The following MGMT variants were observed in gnomAD, a reference collection of about 807,000 sequenced individuals.
The protein encoded by MGMT is O-6-methylguanine-DNA methyltransferase, also known as methylated-DNA--protein-cysteine methyltransferase.
MGMT carries 14 observed loss-of-function variants against 15.9 expected under a neutral mutation model. The ratio of observed to expected loss-of-function variants is 0.88; its 90% confidence interval spans 0.58 to 1.37. The LOEUF is 1.37. MGMT is among the 40% of genes most tolerant of loss of function. MGMT has a pLI of 0.00. For missense variants in MGMT, 282 were observed against 268.1 expected (o/e 1.05, Z -0.36); for synonymous variants, 130 against 118.2 (o/e 1.10, Z -0.65).
intron 2 of MGMT, among the ~76,000 whole-genome samples, chr10:129,679,314 C>T (rs1042163676): frequency 2.0e-5 from 3 of 151,778 alleles, no homozygotes; most frequent in Non-Finnish European, 4.4e-5. Context: ...GCTGTGGGAC[C>T]CTGCGGGCTT....
At chr10:129,649,405 A>C (rs1214184374) in intron 2 of MGMT, among the ~76,000 whole-genome samples, 2 of 152,212 alleles carry the variant, frequency 1.3e-5, no homozygotes, top group East Asian at 3.8e-4. Context: ...AAGTTTTTAA[A>C]ATCAAGGGTT....
chr10:129,625,011 A>T (rs1847130959), intron 2 of MGMT, among the ~76,000 whole-genome samples: 1 of 152,230 alleles, frequency 6.6e-6, no homozygotes, highest in South Asian at 2.1e-4. Context: ...AAAAATTTTC[A>T]AAATTCCCAG....
chr10:129,670,158 T>G (rs1320309180), intron 2 of MGMT, among the ~76,000 whole-genome samples: 1 of 152,164 alleles, frequency 6.6e-6, no homozygotes, highest in Non-Finnish European at 1.5e-5. Context: ...CTTTAAATAA[T>G]GTGCAATAGA....
chr10:129,474,938 A>G (rs575795540), intron 1 of MGMT, among the ~76,000 whole-genome samples: 1 of 152,112 alleles, frequency 6.6e-6, no homozygotes, highest in South Asian at 2.1e-4. Context: ...TGTCACACCC[A>G]TACATTTTGT....
chr10:129,478,764 G>A (rs1452724920), intron 1 of MGMT, among the ~76,000 whole-genome samples: 1 of 152,222 alleles, frequency 6.6e-6, no homozygotes, highest in Non-Finnish European at 1.5e-5. Context: ...AGCAGATGCT[G>A]TGGTGAATAC....
At chr10:129,734,325 G>C (rs1256232441) in intron 3 of MGMT, among the ~76,000 whole-genome samples, 2 of 139,194 alleles carry the variant, frequency 1.4e-5, no homozygotes, top group Admixed American at 7.9e-5. Context: ...TGAAGTGATT[G>C]TGAATGGGAG....
chr10:129,595,197 TCTC>T (rs955206014), intron 2 of MGMT, among the ~76,000 whole-genome samples: 3 of 152,046 alleles, frequency 2.0e-5, no homozygotes, highest in Non-Finnish European at 2.9e-5. Context: ...CATCCAGAAT[TCTC>T]CTCGGCACAG....
chr10:129,489,443 A>T, intron 1 of MGMT, among the ~76,000 whole-genome samples: 1 of 143,858 alleles, frequency 7.0e-6, no homozygotes, highest in East Asian at 2.1e-4. Context: ...GAGTTTCTTG[A>T]TTCTTTTGGG....
intron 3 of MGMT, among the ~76,000 whole-genome samples, chr10:129,758,118 A>G (rs1302521423): frequency 6.6e-6 from 1 of 152,214 alleles, no homozygotes; most frequent in Non-Finnish European, 1.5e-5. Context: ...TAAAGACTAA[A>G]CAGATTTTTT....
At chr10:129,543,188 G>A (rs558120706) in intron 2 of MGMT, among the ~76,000 whole-genome samples, 9 of 152,308 alleles carry the variant, frequency 5.9e-5, no homozygotes, top group Middle Eastern at 3.4e-3. Flanking sequence ...AGCGTAGCCC[G>A]TGATGGTGGC....
intron 2 of MGMT, chr10:129,694,152 C>T (rs1183591785): frequency 6.6e-6 from 1 of 152,280 alleles, no homozygotes; most frequent in Non-Finnish European, 1.5e-5. Context: ...TTCCCAGAAG[C>T]TCTTCTCAGC....
At chr10:129,501,931 G>A (rs1845578713) in intron 1 of MGMT, among the ~76,000 whole-genome samples, 1 of 152,228 alleles carries the variant, frequency 6.6e-6, no homozygotes, top group Non-Finnish European at 1.5e-5. Context: ...GTGGCCTGGA[G>A]TGGCATGTGG....
intron 1 of MGMT, among the ~76,000 whole-genome samples, chr10:129,482,996 TC>T (rs2119639180): frequency 6.6e-6 from 1 of 152,338 alleles, no homozygotes; most frequent in East Asian, 1.9e-4. Flanking sequence ...TAGCTTCTTT[TC>T]AGTTATTTGG....
chr10:129,738,169 A>G (rs1381957903), intron 3 of MGMT, among the ~76,000 whole-genome samples: 2 of 152,146 alleles, frequency 1.3e-5, no homozygotes, highest in African/African-American at 2.4e-5. Flanking sequence ...GCCACCTTGC[A>G]GTTTGATCTC....
intron 2 of MGMT, among the ~76,000 whole-genome samples, chr10:129,650,414 C>T (rs924141568): frequency 4.6e-5 from 7 of 152,212 alleles, no homozygotes; most frequent in Admixed American, 4.6e-4. Context: ...GGCCAGGGTG[C>T]TATTCTTACC....
At chr10:129,662,191 G>A (rs896680724) in intron 2 of MGMT, among the ~76,000 whole-genome samples, 7 of 152,174 alleles carry the variant, frequency 4.6e-5, no homozygotes, top group Non-Finnish European at 8.8e-5. Context: ...TAAAGAAAAA[G>A]GGGGTTAGGG....
At chr10:129,749,006 G>A (rs960311474) in intron 3 of MGMT, among the ~76,000 whole-genome samples, 1 of 152,174 alleles carries the variant, frequency 6.6e-6, no homozygotes, top group African/African-American at 2.4e-5. Flanking sequence ...TCACTTTCAA[G>A]TTACTTTTGG....
chr10:129,525,914 G>A (rs569001865), intron 1 of MGMT, among the ~76,000 whole-genome samples: 1 of 152,350 alleles, frequency 6.6e-6, no homozygotes, highest in East Asian at 1.9e-4. Context: ...CTTTGGGGTG[G>A]CGTTTGGGAA....
intron 1 of MGMT, among the ~76,000 whole-genome samples, chr10:129,526,114 C>T (rs1464002039): frequency 5.3e-5 from 8 of 152,228 alleles, no homozygotes; most frequent in African/African-American, 1.2e-4. Flanking sequence ...GCGGGGACCA[C>T]GGGTGGGGTC....
Sources: gnomAD v4.1 joint callset for allele counts (sites outside exome capture counted in the v4.1 genomes callset) on GRCh38, gnomAD v4.1.1 for gene constraint, MANE v1.5 for transcripts, NCBI Gene and HGNC (gene_info 2026-07-23, HGNC 2026-07-21) for gene names.